Variants in ADAMTSL1 observed in about 807,000 individuals in gnomAD.
ADAMTSL1 encodes the protein ADAMTS like 1, also known as ADAMTS-like protein 1.
In ADAMTSL1, 126 loss-of-function variants were observed where a neutral mutation model predicts 201.8. The ratio of observed to expected loss-of-function variants is 0.62; its 90% confidence interval spans 0.54 to 0.72. The LOEUF is 0.72. Among genes scored for constraint, ADAMTSL1 ranks in the 30% least tolerant of loss-of-function variants. The pLI is 0.00. For synonymous variants in ADAMTSL1, 1,121 were observed against 903.4 expected (o/e 1.24, Z -4.32); for missense variants, 2,679 against 2,277.8 (o/e 1.18, Z -3.59).
In ADAMTSL1 at chr9:18,521,780, G is replaced by A. The variant is rs77196026; in HGVS notation, c.192-11467G>A. Among the ~76,000 whole-genome samples, 982 of 152,212 alleles carry A rather than the reference G, an allele frequency of 6.5e-3. 9 individuals are homozygous for A. Among genetic ancestry groups the A allele is most frequent in the African/African-American group, 0.022 (928 of 41,550 alleles). The stretch of plus-strand genomic sequence containing the variant: ...TTAAATAATAATTATTTTAAACACA[G>A]AATAAAATGTAGAACATGATAGAAT... On this transcript the variant is annotated intron_variant, in intron 2 of 28. Transcript: ENST00000380548.
Position 17,944,225 on chromosome 9 carries a change from G to T in ADAMTSL1, c.87+37303G>T, listed in dbSNP as rs868309619. Among the ~76,000 whole-genome samples the T allele has an allele frequency of 2.4e-4, 36 of 152,228 alleles. No homozygotes were observed. In the Middle Eastern group the frequency reaches 0.017, roughly 72 times the overall value. Reference sequence around the variant, plus strand: ...AACTCCCGTTCACAATTGCTTCAAAGAGAATAAAATACCTAGGAATCCAAC... The same window carrying T: ...AACTCCCGTTCACAATTGCTTCAAATAGAATAAAATACCTAGGAATCCAAC... On this transcript the variant is annotated intron_variant, in intron 1 of 29. Coordinates refer to the ADAMTSL1 transcript ENST00000680146.
rs563470348 is a variant in ADAMTSL1, at chr9:18,753,480, C to T, written c.2189C>T (p.Pro730Leu). 18 of 1,612,900 alleles carry T rather than the reference C, an allele frequency of 1.1e-5. No individual in the cohort carries two copies. Among genetic ancestry groups the T allele is most frequent in the East Asian group, 2.2e-5 (1 of 44,818 alleles). Residue 730 changes from proline to leucine, a missense_variant, in exon 16 of 29, where the codon CCA becomes CTA. Pro to Leu is a moderately conservative substitution (Grantham distance 98). Coordinates refer to ENST00000380548, the MANE Select transcript of ADAMTSL1 (RefSeq NM_001040272.6). ...GCTTGTAACCGCTTTAATTGCCCCC[C>T]AGCCTGGTACCCTGCACAGTGGCAG... ...VQACNRFNCP[P>L]AWYPAQWQPC...
chr9:18,753,257 G>A (rs1315441351), intron 15 of ADAMTSL1, 41 bp from the exon 16 acceptor site: 1 of 1,558,488 alleles, frequency 6.4e-7, no homozygotes, highest in Non-Finnish European at 8.7e-7. Flanking sequence ...CTCTGCACAG[G>A]TACTAAGGGT....
Position 17,993,935 on chromosome 9 carries a change from T to C in ADAMTSL1, c.87+87013T>C, listed in dbSNP as rs576365443. On this transcript the variant is annotated intron_variant, in intron 1 of 29. Coordinates refer to the ADAMTSL1 transcript ENST00000680146. ...CATGTTAGTGGGAGATGGTTTTCTT[T>C]ATCTTTGTCTATGTTTTGAGAGACC... 1.1e-4 allele frequency among the ~76,000 whole-genome samples: 16 copies of C among 152,256 alleles called. No individual in the cohort carries two copies. The South Asian group carries it at 2.7e-3, about 26-fold the overall frequency.
At chr9:18,624,900 G>T (rs551135731) in intron 5 of ADAMTSL1, among the ~76,000 whole-genome samples, 5 of 152,088 alleles carry the variant, frequency 3.3e-5, no homozygotes, top group African/African-American at 1.2e-4. Context: ...GAATTGATTC[G>T]TTTACCTTAG....
At chr9:18,125,208 T>C (rs1825683023) in intron 1 of ADAMTSL1, among the ~76,000 whole-genome samples, 1 of 152,102 alleles carries the variant, frequency 6.6e-6, no homozygotes, top group Non-Finnish European at 1.5e-5. Context: ...AAGTCGCCTC[T>C]TACACGGATG....
intron 2 of ADAMTSL1, among the ~76,000 whole-genome samples, chr9:18,282,741 T>C (rs942040439): frequency 6.6e-6 from 1 of 152,014 alleles, no homozygotes; most frequent in Non-Finnish European, 1.5e-5. Flanking sequence ...CTACTAAAAA[T>C]ACAAAATTAG....
intron 15 of ADAMTSL1, among the ~76,000 whole-genome samples, chr9:18,722,824 G>A (rs886479727): frequency 2.0e-5 from 3 of 152,204 alleles, no homozygotes; most frequent in African/African-American, 7.2e-5. Flanking sequence ...CCCAACCCAT[G>A]AGAACAGCAG....
chr9:18,592,251 CT>C (rs1162180940), intron 4 of ADAMTSL1, among the ~76,000 whole-genome samples: 4 of 152,078 alleles, frequency 2.6e-5, no homozygotes, highest in Admixed American at 2.6e-4. Context: ...CTGAGCTGTT[CT>C]TCATTGCTTG....
chr9:18,021,094 T>C lies in ADAMTSL1; in HGVS notation c.87+114172T>C, dbSNP rs143288797. 4.6e-5 allele frequency among the ~76,000 whole-genome samples: 7 copies of C among 152,254 alleles called. 1 individual carries two copies. The Middle Eastern group carries it at 0.017, about 370-fold the overall frequency. On this transcript the variant is annotated intron_variant, in intron 1 of 29. Transcript: ENST00000680146. ...CTCAGGTGTAATGAATCAGGCTCTC[T>C]GGGGCTTTGCTCAGCAATTTGTGCT...
intron 2 of ADAMTSL1, among the ~76,000 whole-genome samples, chr9:18,423,476 G>C (rs1462167823): frequency 6.6e-6 from 1 of 152,092 alleles, no homozygotes; most frequent in Non-Finnish European, 1.5e-5. Flanking sequence ...TCTTTCTTTG[G>C]TATTTTTTGA....
At chr9:18,419,387 T>G (rs1179789458) in intron 2 of ADAMTSL1, among the ~76,000 whole-genome samples, 1 of 152,022 alleles carries the variant, frequency 6.6e-6, no homozygotes, top group African/African-American at 2.4e-5. Context: ...TTGAACTATT[T>G]TTTTCTCTTG....
intron 1 of ADAMTSL1, among the ~76,000 whole-genome samples, chr9:18,147,526 A>G (rs1587156878): frequency 6.6e-6 from 1 of 152,090 alleles, no homozygotes; most frequent in Non-Finnish European, 1.5e-5. Context: ...ATTTGGGGGT[A>G]TTCCCTCTTC....
At chr9:18,738,318 T>C (rs1346167809) in intron 15 of ADAMTSL1, among the ~76,000 whole-genome samples, 2 of 152,224 alleles carry the variant, frequency 1.3e-5, no homozygotes, top group African/African-American at 2.4e-5. Flanking sequence ...AAAAATCTTC[T>C]ATGCTTTCAA....
At chr9:18,285,853 T>A (rs1832971065) in intron 2 of ADAMTSL1, among the ~76,000 whole-genome samples, 1 of 152,190 alleles carries the variant, frequency 6.6e-6, no homozygotes, top group Non-Finnish European at 1.5e-5. Flanking sequence ...ATAATTCATG[T>A]ACAGTACAAT....
At chr9:18,780,276 T>C (rs1363439321) in intron 19 of ADAMTSL1, among the ~76,000 whole-genome samples, 4 of 152,208 alleles carry the variant, frequency 2.6e-5, no homozygotes, top group Admixed American at 2.6e-4. Flanking sequence ...ATGAGGAGAC[T>C]GTACCATATC....
intron 1 of ADAMTSL1, among the ~76,000 whole-genome samples, chr9:17,927,345 T>G (rs1312139800): frequency 2.6e-5 from 4 of 152,074 alleles, no homozygotes; most frequent in Non-Finnish European, 5.9e-5. Flanking sequence ...TACACATATA[T>G]GTACATGTAC....
rs776046209 is a variant in ADAMTSL1 at position 18,314,782 on chromosome 9, C to CTTTTTTTTTT, written c.207+150824_207+150833dup. Among the ~76,000 whole-genome samples, 26 of 49,848 alleles carry CTTTTTTTTTT rather than the reference C, an allele frequency of 5.2e-4. 8 individuals are homozygous for CTTTTTTTTTT. The highest frequency in any genetic ancestry group is 9.2e-4 in the Admixed American group (3 of 3,252). The allele number at this position is 49,848 out of a possible 152,430, so 32.7% of individuals were successfully genotyped here. A position where few individuals can be genotyped will look rare whatever the true frequency, so the allele number is the denominator to read the frequency against. On this transcript the variant is annotated intron_variant, in intron 2 of 29. Coordinates refer to the ADAMTSL1 transcript ENST00000680146. The stretch of plus-strand genomic sequence containing the variant: ...TGCCACTGCTGCCTTCGGCAGCGTG[C>CTTTTTTTTTT]TTTTTTTTTTTTTTTTTTTTTTTTT...
intron 1 of ADAMTSL1, among the ~76,000 whole-genome samples, chr9:18,498,356 G>A (rs775311953): frequency 9.1e-4 from 106 of 116,098 alleles, no homozygotes; most frequent in Non-Finnish European, 1.6e-3. Flanking sequence ...TTTTTTTTGA[G>A]ATGGGATTTT....
Sources: gnomAD v4.1 joint callset for allele counts (sites outside exome capture counted in the v4.1 genomes callset) on GRCh38, gnomAD v4.1.1 for gene constraint, MANE v1.5 for transcripts, NCBI Gene and HGNC (gene_info 2026-07-23, HGNC 2026-07-21) for gene names.